TRIM24: variants seen among roughly 807,000 people sequenced by gnomAD.
TRIM24 encodes the protein tripartite motif containing 24.
In TRIM24, 29 loss-of-function variants were observed where a neutral mutation model predicts 123.9. That is an observed-to-expected ratio of 0.23 (90% CI 0.17 to 0.32). TRIM24 has a LOEUF of 0.32. Among genes scored for constraint, TRIM24 ranks in the 10% least tolerant of loss-of-function variants. The probability of loss-of-function intolerance (pLI) is 1.00; values close to 1 mark genes in which losing one functional copy is unlikely to be tolerated. For synonymous variants in TRIM24, 456 were observed against 461.1 expected, an observed-to-expected ratio of 0.99 and a Z score of 0.14; for missense variants, 932 against 1,295.3, an observed-to-expected ratio of 0.72 and a Z score of 4.31.
intron 7 of TRIM24, among the ~76,000 whole-genome samples, chr7:138,544,244 T>A (rs1237290061): frequency 6.6e-6 from 1 of 152,236 alleles, no homozygotes; most frequent in East Asian, 1.9e-4. Context: ...TCTAAAAATA[T>A]TCCATGTATA....
chr7:138,489,604 A>G (rs1423562198), intron 1 of TRIM24, among the ~76,000 whole-genome samples: 1 of 152,082 alleles, frequency 6.6e-6, no homozygotes, highest in Non-Finnish European at 1.5e-5. Context: ...TCCTTCACTT[A>G]TCAAGCTTGG....
chr7:138,563,307 T>G (rs1000326662), intron 9 of TRIM24, among the ~76,000 whole-genome samples: 4 of 152,200 alleles, frequency 2.6e-5, no homozygotes, highest in African/African-American at 7.2e-5. Context: ...CTCCGCCATT[T>G]TCTTCACTGC....
At chr7:138,494,048 C>A (rs1795851253) in intron 1 of TRIM24, among the ~76,000 whole-genome samples, 1 of 151,888 alleles carries the variant, frequency 6.6e-6, no homozygotes, top group South Asian at 2.1e-4. Flanking sequence ...ATGGCGCGAT[C>A]TCAGCTCACT....
intron 2 of TRIM24, chr7:138,514,431 C>G (rs1796354121): frequency 6.6e-6 from 1 of 151,762 alleles, no homozygotes; most frequent in Non-Finnish European, 1.5e-5. Flanking sequence ...TTAATCTGGC[C>G]CCTGTCTCTT....
chr7:138,569,678 A>G (rs1797613725), intron 10 of TRIM24, among the ~76,000 whole-genome samples: 1 of 152,160 alleles, frequency 6.6e-6, no homozygotes, highest in Non-Finnish European at 1.5e-5. Flanking sequence ...GTCCAACTTC[A>G]TATGTTTCTG....
intron 12 of TRIM24, among the ~76,000 whole-genome samples, chr7:138,574,406 G>A (rs1797715759): frequency 6.6e-6 from 1 of 152,122 alleles, no homozygotes; most frequent in Non-Finnish European, 1.5e-5. Flanking sequence ...ATTTAAATGG[G>A]GATGCCCGTT....
intron 1 of TRIM24, among the ~76,000 whole-genome samples, chr7:138,487,036 C>T (rs1320693993): frequency 3.3e-5 from 5 of 152,124 alleles, no homozygotes; most frequent in Non-Finnish European, 7.3e-5. Context: ...TGTAGTTCTC[C>T]TTGAAGAGGT....
At chr7:138,572,274 T>G (rs538581170) in intron 11 of TRIM24, among the ~76,000 whole-genome samples, 55 of 152,306 alleles carry the variant, frequency 3.6e-4, no homozygotes, top group Non-Finnish European at 1.5e-4. Context: ...TTATTTGGCT[T>G]TTAGGATTAT....
intron 8 of TRIM24, among the ~76,000 whole-genome samples, chr7:138,552,844 A>AGAATACAGAACATGT (rs1797239721): frequency 6.6e-6 from 1 of 152,216 alleles, no homozygotes; most frequent in Admixed American, 6.5e-5. Context: ...AAGCATCTTT[A>AGAATACAGAACATGT]GAATACAGAA....
Position 138,588,181 on chromosome 7 carries a change from A to G in TRIM24, c.*3230A>G, listed in dbSNP as rs763500204. On this transcript the variant is annotated 3_prime_UTR_variant, in exon 19 of 19. Transcript: ENST00000343526. ...TGCATTTATGAAACTGCATTTCAAT[A>G]TGCTATGCTGTTACTGTGCTTAGAC... 4 of 152,214 alleles carry G rather than the reference A, an allele frequency of 2.6e-5. No homozygotes were observed. Among genetic ancestry groups the G allele is most frequent in the East Asian group, 3.8e-4 (2 of 5,198 alleles). The allele number at this position is 152,214 out of a possible 1,614,324, so 9.4% of individuals were successfully genotyped here. A position where few individuals can be genotyped will look rare whatever the true frequency, so the allele number is the denominator to read the frequency against.
chr7:138,557,734 G>A (rs188217330), intron 9 of TRIM24, among the ~76,000 whole-genome samples: 15 of 152,284 alleles, frequency 9.9e-5, no homozygotes, highest in Admixed American at 2.0e-4. Context: ...TGGGCTATGA[G>A]ACTAGTCTAA....
intron 7 of TRIM24, among the ~76,000 whole-genome samples, chr7:138,550,584 G>C (rs1280240010): frequency 2.6e-5 from 4 of 152,064 alleles, no homozygotes; most frequent in Non-Finnish European, 5.9e-5. Flanking sequence ...GAGATTCAAA[G>C]CTGGTTGTAT....
At chr7:138,528,140 T>A (rs1796651107) in intron 5 of TRIM24, among the ~76,000 whole-genome samples, 1 of 152,188 alleles carries the variant, frequency 6.6e-6, no homozygotes, top group African/African-American at 2.4e-5. Flanking sequence ...TGTGCTGGCT[T>A]ATCTCATAAC....
intron 6 of TRIM24, among the ~76,000 whole-genome samples, chr7:138,534,152 C>CA (rs1337415956): frequency 4.3e-4 from 66 of 151,984 alleles, no homozygotes; most frequent in Middle Eastern, 3.4e-3. Flanking sequence ...TTGATCTTTT[C>CA]AAAAAAACCA....
At chr7:138,508,720 C>CGTGTGTGTGTGCGT (rs1796218373) in intron 2 of TRIM24, among the ~76,000 whole-genome samples, 1 of 72,514 alleles carries the variant, frequency 1.4e-5, no homozygotes, top group Non-Finnish European at 3.1e-5. Context: ...TGTGTGTGTG[C>CGTGTGTGTGTGCGT]GTGTGTGTGT....
chr7:138,476,738 G>A (rs947684911), intron 1 of TRIM24, among the ~76,000 whole-genome samples: 1 of 152,130 alleles, frequency 6.6e-6, no homozygotes, highest in African/African-American at 2.4e-5. Flanking sequence ...AGGGAATTTG[G>A]TAATATCTAG....
rs1400888137 is a variant in TRIM24, at chr7:138,577,452, A to G, written c.2120A>G (p.Asp707Gly). 1 of 1,593,044 alleles carries G rather than the reference A, an allele frequency of 6.3e-7. No homozygotes were observed. The highest frequency in any genetic ancestry group is 8.5e-7 in the Non-Finnish European group (1 of 1,171,008). Residue 707 changes from aspartate to glycine, a missense_variant, in exon 14 of 19, where the codon GAC becomes GGC. Physicochemically the swap from Asp to Gly is moderately conservative, Grantham distance 94. Around this residue, in one of 7 missense-constraint regions of TRIM24, gnomAD observed 527 missense variants for 691.3 expected, o/e 0.76. Transcript: ENST00000343526. Reference sequence around the variant, plus strand: ...TCTTCCAGCAAACCAGCAGGAGCTGACTCTACACACAAAGTCCCAGTGGTC... The same window carrying G: ...TCTTCCAGCAAACCAGCAGGAGCTGGCTCTACACACAAAGTCCCAGTGGTC... ...SGSSSKPAGA[D>G]STHKVPVVML...
intron 2 of TRIM24, among the ~76,000 whole-genome samples, chr7:138,508,020 A>G (rs2116536837): frequency 6.6e-6 from 1 of 152,296 alleles, no homozygotes; most frequent in Admixed American, 6.5e-5. Flanking sequence ...TGAATATTAT[A>G]GGTTTTTTTA....
At chr7:138,489,992 CA>C (rs1795743732) in intron 1 of TRIM24, among the ~76,000 whole-genome samples, 1 of 152,228 alleles carries the variant, frequency 6.6e-6, no homozygotes, top group Admixed American at 6.5e-5. Flanking sequence ...GTATACCGAT[CA>C]GACGTAGATT....
Sources: allele counts gnomAD v4.1 joint callset (sites outside exome capture counted in the v4.1 genomes callset), GRCh38; gene constraint gnomAD v4.1.1; regional missense constraint gnomAD v4.1.1; transcripts MANE v1.5; gene names NCBI Gene and HGNC (gene_info 2026-07-23, HGNC 2026-07-21).